The following SMARCA2 variants were observed in gnomAD, a reference collection of about 807,000 sequenced individuals.
The protein encoded by SMARCA2 is SWI/SNF related BAF chromatin remodeling complex subunit ATPase 2.
In SMARCA2, 61 loss-of-function variants were observed where a neutral mutation model predicts 199.8. That is an observed-to-expected ratio of 0.31 (90% confidence interval 0.25 to 0.38). The LOEUF (loss-of-function observed/expected upper bound fraction) is 0.38, where lower values mean the gene tolerates loss of function less well. SMARCA2 is among the 10% of genes least tolerant of loss of function. The probability of loss-of-function intolerance (pLI) is 1.00; values close to 1 mark genes in which losing one functional copy is unlikely to be tolerated. For missense variants in SMARCA2, 1,344 were observed against 2,012.2 expected (o/e 0.67, Z 6.35); for synonymous variants, 935 against 732.0 (o/e 1.28, Z -4.48).
In SMARCA2 at chr9:2,051,535, C is replaced by A. The variant is rs375487709; in HGVS notation, c.1047-3062C>A. On this transcript the variant is annotated intron_variant, in intron 5 of 33. Coordinates refer to ENST00000349721, the MANE Select transcript of SMARCA2 (RefSeq NM_003070.5). ...ATGTGATGTAATCTCTACCCTATCA[C>A]CCCAGTTATCTGACGATTACTTATT... Among the ~76,000 whole-genome samples the A allele has an allele frequency of 1.7e-4, 26 of 152,352 alleles. No individual in the cohort carries two copies. In the South Asian group the frequency reaches 4.1e-3, roughly 24 times the overall value.
At chr9:2,048,493 A>C (rs1819979394) in intron 5 of SMARCA2, among the ~76,000 whole-genome samples, 1 of 152,238 alleles carries the variant, frequency 6.6e-6, no homozygotes, top group Non-Finnish European at 1.5e-5. Context: ...GGAAAATTAG[A>C]GTTTAAAAAT....
At chr9:2,082,064 C>CTT in intron 15 of SMARCA2, 69 bp downstream of exon 15, 2 of 1,319,374 alleles carry the variant, frequency 1.5e-6, no homozygotes, top group Non-Finnish European at 2.1e-6. Flanking sequence ...GTAGCTTGTC[C>CTT]TTGTTTTTTA....
intron 28 of SMARCA2, among the ~76,000 whole-genome samples, chr9:2,164,660 A>G (rs933244448): frequency 3.9e-5 from 6 of 152,234 alleles, no homozygotes. Flanking sequence ...TTATTTCTAG[A>G]AACAGAAAAT....
At chr9:2,092,006 C>A (rs1336966605) in intron 19 of SMARCA2, among the ~76,000 whole-genome samples, 3 of 152,182 alleles carry the variant, frequency 2.0e-5, no homozygotes, top group Admixed American at 2.0e-4. Context: ...ACCCACCCCC[C>A]AACCACCAAC....
chr9:2,120,978 G>C (rs1482402344), intron 26 of SMARCA2, among the ~76,000 whole-genome samples: 2 of 152,178 alleles, frequency 1.3e-5, no homozygotes, highest in South Asian at 2.1e-4. Context: ...CTCTGTCCTT[G>C]AAGAACTAAT....
rs755058498 is a variant in SMARCA2 at position 2,054,702 on chromosome 9, G to T, written c.1152G>T (p.Arg384=). 1.9e-6 allele frequency: 3 copies of T among 1,614,030 alleles called. No individual in the cohort carries two copies. Among genetic ancestry groups the T allele is most frequent in the South Asian group, 1.1e-5 (1 of 91,080 alleles). ...CAACCGTGGAACTAAAAGCACTTCGGTTACTCAATTTCCAGCGTCAGGTAA... is the reference window on the plus strand; with the variant it reads ...CAACCGTGGAACTAAAAGCACTTCGTTTACTCAATTTCCAGCGTCAGGTAA... ...TKATVELKAL[R]LLNFQRQLRQ... is the part of the protein sequence containing the mutation. The change falls in exon 6 of 34, where the codon CGG becomes CGT. Residue 384 remains arginine, a synonymous_variant. Transcript: ENST00000349721.
At chr9:2,015,603 C>T (rs1049096993) in intron 1 of SMARCA2, among the ~76,000 whole-genome samples, 199 bp downstream of exon 1, 1 of 152,198 alleles carries the variant, frequency 6.6e-6, no homozygotes, top group Non-Finnish European at 1.5e-5. Context: ...AAGCCCGCCT[C>T]CTCCCCGCGG....
At chr9:2,033,158 GA>G (rs1819150979) in intron 3 of SMARCA2, 77 bp downstream of exon 3, 1 of 1,492,772 alleles carries the variant, frequency 6.7e-7, no homozygotes, top group Admixed American at 1.9e-5. Context: ...TTTTAATTAT[GA>G]ATTCCAAAGA....
chr9:2,135,205 A>G (rs1293249686), intron 27 of SMARCA2, among the ~76,000 whole-genome samples: 1 of 152,226 alleles, frequency 6.6e-6, no homozygotes, highest in East Asian at 1.9e-4. Context: ...GGGCAGGAGA[A>G]GATGGATGAC....
At chr9:2,049,370 T>C (rs1342237286) in intron 5 of SMARCA2, among the ~76,000 whole-genome samples, 2 of 152,240 alleles carry the variant, frequency 1.3e-5, no homozygotes, top group African/African-American at 4.8e-5. Context: ...CAGTATTAAG[T>C]AGTACTATTT....
intron 29 of SMARCA2, among the ~76,000 whole-genome samples, chr9:2,176,622 G>C (rs1826623205): frequency 6.6e-6 from 1 of 152,244 alleles, no homozygotes; most frequent in South Asian, 2.1e-4. Context: ...CATGATCTCA[G>C]CTCGCTGCGA....
chr9:2,144,408 G>A (rs1018791371), intron 27 of SMARCA2, among the ~76,000 whole-genome samples: 1 of 152,148 alleles, frequency 6.6e-6, no homozygotes, highest in African/African-American at 2.4e-5. Flanking sequence ...CAGGTTAGAA[G>A]GACCTCGATT....
intron 9 of SMARCA2, among the ~76,000 whole-genome samples, chr9:2,068,412 T>C (rs1820938876): frequency 6.6e-6 from 1 of 152,222 alleles, no homozygotes; most frequent in Admixed American, 6.5e-5. Context: ...CATACATACA[T>C]ACATGTATTT....
At chr9:2,055,551 T>C (rs1409137922) in intron 6 of SMARCA2, 1 of 152,202 alleles carries the variant, frequency 6.6e-6, no homozygotes, top group Non-Finnish European at 1.5e-5. Flanking sequence ...GTCAAAGTAG[T>C]TTGGAAGTAT....
At chr9:2,144,770 C>G (rs1824643009) in intron 27 of SMARCA2, among the ~76,000 whole-genome samples, 1 of 152,056 alleles carries the variant, frequency 6.6e-6, no homozygotes, top group African/African-American at 2.4e-5. Context: ...AGCGAGGCCT[C>G]CAGAGGTCAT....
At chr9:2,125,521 T>C (rs1440516719) in intron 27 of SMARCA2, among the ~76,000 whole-genome samples, 2 of 146,524 alleles carry the variant, frequency 1.4e-5, no homozygotes, top group African/African-American at 5.1e-5. Context: ...ACAGAGTCTC[T>C]CTCTGTCACT....
Position 2,086,693 on chromosome 9 carries a change from C to T in SMARCA2, c.2527-136C>T. ...CAGGCATGAGACATTGTTGAGATTCCCTTGTCTCAAAGGTAATCACAGCAT... is the reference window on the plus strand; with the variant it reads ...CAGGCATGAGACATTGTTGAGATTCTCTTGTCTCAAAGGTAATCACAGCAT... On this transcript the variant is annotated intron_variant, in intron 17 of 33. Transcript: ENST00000349721. The surrounding 1 kb of genome is among the most constrained non-coding windows in gnomAD (Gnocchi z 4.3). 2.3e-6 allele frequency: 2 copies of T among 879,118 alleles called. No individual in the cohort carries two copies. Among genetic ancestry groups the T allele is most frequent in the East Asian group, 2.4e-5 (1 of 41,272 alleles). 54.5% of individuals were successfully genotyped at this position (879,118 alleles called of 1,614,324 possible).
intron 32 of SMARCA2, among the ~76,000 whole-genome samples, chr9:2,189,954 T>C (rs985808655): frequency 3.9e-5 from 6 of 152,210 alleles, no homozygotes; most frequent in Non-Finnish European, 8.8e-5. Flanking sequence ...TATGACAACA[T>C]CTATTTCTAG....
At chr9:2,116,798 A>G (rs1167305036) in intron 25 of SMARCA2, among the ~76,000 whole-genome samples, 1 of 152,244 alleles carries the variant, frequency 6.6e-6, no homozygotes, top group African/African-American at 2.4e-5. Flanking sequence ...AAACTACAGA[A>G]TATCAGCAGA....
Sources: gnomAD v4.1 joint callset for allele counts (sites outside exome capture counted in the v4.1 genomes callset) on GRCh38, gnomAD v4.1.1 for gene constraint, Gnocchi (gnomAD v3.1) non-coding constraint, MANE v1.5 for transcripts, NCBI Gene and HGNC (gene_info 2026-07-23, HGNC 2026-07-21) for gene names.